COL4A2: variants seen among roughly 807,000 people sequenced by gnomAD.
The protein encoded by COL4A2 is collagen alpha-2(IV) chain.
A neutral mutation model predicts 200.2 loss-of-function variants in COL4A2; 99 were observed. That is an observed-to-expected ratio of 0.49 (90% confidence interval 0.42 to 0.58). The LOEUF (loss-of-function observed/expected upper bound fraction) is 0.58, where lower values mean the gene tolerates loss of function less well. Ranked by LOEUF, COL4A2 falls within the 20% of genes least tolerant of loss-of-function variation. COL4A2 has a pLI of 0.00. For synonymous variants in COL4A2, 897 were observed against 900.6 expected (o/e 1.00, Z 0.07); for missense variants, 1,950 against 2,314.1 (o/e 0.84, Z 3.23).
chr13:110,469,415 T>A, intron 28 of COL4A2, 91 bp downstream of exon 28: 3 of 1,288,700 alleles, frequency 2.3e-6, no homozygotes, highest in Non-Finnish European at 3.2e-6. Flanking sequence ...ATCTTCCACT[T>A]TGTAGAAGCT....
intron 11 of COL4A2, among the ~76,000 whole-genome samples, chr13:110,433,561 C>T (rs1880763242): frequency 2.0e-5 from 3 of 152,168 alleles, no homozygotes; most frequent in Admixed American, 1.3e-4. Context: ...TCATTGAAGG[C>T]TTTGTTTTTA....
At chr13:110,417,545 G>A (rs114724034) in intron 4 of COL4A2, among the ~76,000 whole-genome samples, 2,477 of 152,208 alleles carry the variant, frequency 0.016, 46 homozygotes, top group Middle Eastern at 0.051. Flanking sequence ...TGTATACAGC[G>A]ATAGAACCAC....
chr13:110,363,937 G>A (rs1156850802), intron 4 of COL4A2, among the ~76,000 whole-genome samples: 1 of 152,170 alleles, frequency 6.6e-6, no homozygotes, highest in Non-Finnish European at 1.5e-5. Context: ...CTGACCTCAG[G>A]TGAGCCGCCC....
At chr13:110,464,188 A>G (rs959250440) in intron 24 of COL4A2, among the ~76,000 whole-genome samples, 5 of 152,092 alleles carry the variant, frequency 3.3e-5, no homozygotes, top group African/African-American at 1.2e-4. Context: ...CTGTCCAGCC[A>G]TGGGGTTCAC....
rs1410755440 is a variant in COL4A2, at chr13:110,378,588, A to G, written c.180+21036A>G. ...GATTTAGGAAGAGCTAAGAGAAAAT[A>G]CTAAATGGAGTTGTTTCCAAGAAAC... On this transcript the variant is annotated intron_variant, in intron 4 of 47. Coordinates refer to ENST00000360467, the MANE Select transcript of COL4A2 (RefSeq NM_001846.4). Among the ~76,000 whole-genome samples the G allele has an allele frequency of 2.6e-5, 4 of 152,244 alleles. No individual in the cohort carries two copies. In the East Asian group the frequency reaches 5.8e-4, roughly 22 times the overall value.
chr13:110,359,575 T>A (rs1204383223), intron 4 of COL4A2, among the ~76,000 whole-genome samples: 1 of 152,182 alleles, frequency 6.6e-6, no homozygotes, highest in East Asian at 1.9e-4. Context: ...GGTGTCCAAA[T>A]GAGTTTCCCC....
At chr13:110,343,224 A>G (rs955539987) in intron 3 of COL4A2, among the ~76,000 whole-genome samples, 13 of 152,170 alleles carry the variant, frequency 8.5e-5, no homozygotes, top group Non-Finnish European at 2.9e-5. Flanking sequence ...TTGAAAATCC[A>G]CTGTTGAAAT....
At chr13:110,461,993 G>C (rs1001835914) in intron 22 of COL4A2, 121 bp from the exon 23 acceptor site, 1 of 1,441,406 alleles carries the variant, frequency 6.9e-7, no homozygotes, top group Non-Finnish European at 9.4e-7. Flanking sequence ...CTTGGGTGGC[G>C]CTCGGTTTGG....
chr13:110,461,880 T>C, intron 22 of COL4A2: 2 of 601,076 alleles, frequency 3.3e-6, no homozygotes, highest in Non-Finnish European at 5.8e-6. Context: ...ATCCAGTTCC[T>C]CAGTCCCACC....
At position 110,492,062 on chromosome 13, in the gene COL4A2, A is replaced by G; in HGVS notation, c.3455-8A>G. 1 of 1,550,306 alleles carries G rather than the reference A, an allele frequency of 6.5e-7. No homozygotes were observed. Among genetic ancestry groups the G allele is most frequent in the Non-Finnish European group, 8.7e-7 (1 of 1,146,342 alleles). Reference sequence around the variant, plus strand: ...TGTGCTCAGACTTAATGCTGTGTTCACCCCCAGGCTTTCCAGGGCTGACTG... The same window carrying G: ...TGTGCTCAGACTTAATGCTGTGTTCGCCCCCAGGCTTTCCAGGGCTGACTG... On this transcript the variant is annotated splice_polypyrimidine_tract_variant and splice_region_variant and intron_variant, in intron 37 of 47. Transcript: ENST00000360467.
At chr13:110,486,603 G>A (rs563034818) in intron 34 of COL4A2, among the ~76,000 whole-genome samples, 10 of 152,290 alleles carry the variant, frequency 6.6e-5, no homozygotes, top group Non-Finnish European at 1.0e-4. Context: ...TGTTTCAGTC[G>A]CGTCCGTGTG....
At chr13:110,390,493 C>T (rs4132949) in intron 4 of COL4A2, among the ~76,000 whole-genome samples, 14,389 of 152,234 alleles carry the variant, frequency 0.095, 1,065 homozygotes, top group East Asian at 0.37. Flanking sequence ...TTGCACTCAA[C>T]GCCATGCCAT....
At chr13:110,322,523 G>A (rs1435525011) in intron 3 of COL4A2, among the ~76,000 whole-genome samples, 13 of 152,206 alleles carry the variant, frequency 8.5e-5, no homozygotes, top group African/African-American at 2.9e-4. Flanking sequence ...GGGGATGGAC[G>A]CGTCAAGACA....
rs1341377111 is a variant in COL4A2 at position 110,495,397 on chromosome 13, C to T, written c.3690C>T (p.Asp1230=). The change falls in exon 40 of 48, where the codon GAC becomes GAT. Residue 1230 remains aspartate, a synonymous_variant. Coordinates refer to ENST00000360467, the MANE Select transcript of COL4A2 (RefSeq NM_001846.4). The stretch of plus-strand genomic sequence containing the variant: ...CAGGCCCTCCTGGGGAAAGAGGTGA[C>T]CCAGGAGAGGCCAACACCCTTCCAG... ...GFPGPPGERG[D]PGEANTLPGP... 1.2e-6 allele frequency: 2 copies of T among 1,613,966 alleles called. No individual in the cohort carries two copies. The highest frequency in any genetic ancestry group is 2.2e-5 in the East Asian group (1 of 44,874).
chr13:110,437,800 G>A (rs1880951660), intron 13 of COL4A2, among the ~76,000 whole-genome samples: 1 of 152,168 alleles, frequency 6.6e-6, no homozygotes, highest in South Asian at 2.1e-4. Flanking sequence ...AATTTATCTT[G>A]TGAAAATCTA....
Position 110,504,480 on chromosome 13 carries a change from G to A in COL4A2, c.4402+216G>A, listed in dbSNP as rs1483993532. On this transcript the variant is annotated intron_variant, in intron 45 of 47. Coordinates refer to ENST00000360467, the MANE Select transcript of COL4A2 (RefSeq NM_001846.4). ...CTGGGACAGCCTCCCTCCTTTTCCT[G>A]GGACACCTGCGGTGCTGTGGAGTGG... is the stretch of plus-strand genomic sequence containing the variant. Among the ~76,000 whole-genome samples the A allele has an allele frequency of 2.6e-5, 4 of 152,234 alleles. No homozygotes were observed. In the East Asian group the frequency reaches 7.7e-4, roughly 29 times the overall value.
intron 4 of COL4A2, among the ~76,000 whole-genome samples, chr13:110,362,569 C>G (rs932235393): frequency 6.6e-6 from 1 of 152,062 alleles, no homozygotes; most frequent in African/African-American, 2.4e-5. Context: ...AGTCTGCCCA[C>G]CTCAGCCTCC....
At chr13:110,501,209 G>A (rs1883627558) in intron 40 of COL4A2, among the ~76,000 whole-genome samples, 1 of 152,244 alleles carries the variant, frequency 6.6e-6, no homozygotes, top group South Asian at 2.1e-4. Flanking sequence ...CGAGGCACTG[G>A]AGGACAGCCG....
intron 20 of COL4A2, chr13:110,456,433 A>G: frequency 3.5e-5 from 10 of 285,704 alleles, no homozygotes; most frequent in South Asian, 3.2e-4. Context: ...GGGGGGAACC[A>G]GAAGTGTGTA....
Sources: allele counts gnomAD v4.1 joint callset (sites outside exome capture counted in the v4.1 genomes callset), GRCh38; gene constraint gnomAD v4.1.1; transcripts MANE v1.5; gene names NCBI Gene and HGNC (gene_info 2026-07-23, HGNC 2026-07-21).